Variants in BTBD16 observed in about 807,000 individuals in gnomAD.
BTBD16 encodes the protein BTB domain containing 16, also known as BTB/POZ domain-containing protein 16.
BTBD16 carries 66 observed loss-of-function variants against 67.4 expected under a neutral mutation model. The observed-to-expected ratio is 0.98, with a 90% CI of 0.80 to 1.20. The LOEUF (loss-of-function observed/expected upper bound fraction) is 1.20. Among genes scored for constraint, BTBD16 ranks in the 50% most tolerant of loss-of-function variants. The probability of loss-of-function intolerance (pLI) is 0.00; values close to 1 mark genes in which losing one functional copy is unlikely to be tolerated. For synonymous variants in BTBD16, 242 were observed against 236.4 expected, an observed-to-expected ratio of 1.02 and a Z score of -0.22; for missense variants, 634 against 616.0, an observed-to-expected ratio of 1.03 and a Z score of -0.31.
chr10:122,297,108 C>G (rs1464489126), intron 7 of BTBD16, among the ~76,000 whole-genome samples: 2 of 152,218 alleles, frequency 1.3e-5, no homozygotes, highest in African/African-American at 4.8e-5. Context: ...TCCCATCACA[C>G]CTTGTTCTTT....
chr10:122,287,351 A>G, intron 5 of BTBD16: 1 of 838,556 alleles, frequency 1.2e-6, no homozygotes, highest in African/African-American at 1.8e-5. Flanking sequence ...GAGAATTTGG[A>G]AGTGGAAATG....
chr10:122,312,036 C>G (rs1214388714), intron 10 of BTBD16, among the ~76,000 whole-genome samples: 1 of 152,216 alleles, frequency 6.6e-6, no homozygotes, highest in African/African-American at 2.4e-5. Context: ...TGTTGGTGGA[C>G]ATGTTCAGCC....
intron 7 of BTBD16, chr10:122,295,471 G>T (rs2096381451): frequency 2.0e-6 from 2 of 985,308 alleles, no homozygotes; most frequent in Admixed American, 1.2e-4. Flanking sequence ...AGGAAGCCTG[G>T]GCTTGGGAGG....
Position 122,338,052 on chromosome 10 carries a change from T to C in BTBD16, c.1488T>C (p.Tyr496=). The C allele has an allele frequency of 6.2e-7, 1 of 1,611,978 alleles. No individual in the cohort carries two copies. The highest frequency in any genetic ancestry group is 1.1e-5 in the South Asian group (1 of 90,990). ...LKIQTVGIPI[Y]VSFAFIFPAS ...TCCAAACTGTGGGCATCCCAATCTA[T>C]GTAAGTTTTGCATTCATCTTCCCAG... Residue 496 remains tyrosine, a synonymous_variant, in exon 16 of 16, where the codon TAT becomes TAC. Transcript: ENST00000260723.
chr10:122,337,876 C>A (rs1055281081), intron 15 of BTBD16, 141 bp from the exon 16 acceptor site: 2 of 640,612 alleles, frequency 3.1e-6, no homozygotes, highest in Non-Finnish European at 5.5e-6. Context: ...TTTCAAATAA[C>A]CTCTGCAGGT....
intron 5 of BTBD16, among the ~76,000 whole-genome samples, chr10:122,288,575 G>GTGAGCCTGAGA (rs2096368014): frequency 6.6e-6 from 1 of 151,950 alleles, no homozygotes; most frequent in Non-Finnish European, 1.5e-5. Flanking sequence ...ACCAGTGTGT[G>GTGAGCCTGAGA]TGAGCCTGGG....
At chr10:122,284,002 C>CT (rs1246912531) in intron 4 of BTBD16, 78 bp downstream of exon 4, 20 of 1,085,806 alleles carry the variant, frequency 1.8e-5, no homozygotes, top group Middle Eastern at 2.0e-4. Flanking sequence ...TGGAAGGAGA[C>CT]CAGTCCATAA....
At chr10:122,314,836 T>C (rs1307149991) in intron 10 of BTBD16, among the ~76,000 whole-genome samples, 1 of 152,228 alleles carries the variant, frequency 6.6e-6, no homozygotes, top group African/African-American at 2.4e-5. Context: ...ATCTTGTGTC[T>C]TTCACTTATT....
At chr10:122,327,741 G>A (rs115562546) in intron 10 of BTBD16, among the ~76,000 whole-genome samples, 1 of 152,358 alleles carries the variant, frequency 6.6e-6, no homozygotes, top group African/African-American at 2.4e-5. Flanking sequence ...TGTCCAGAGA[G>A]GCCCTGGCTG....
At chr10:122,333,270 G>A (rs2096458029) in intron 13 of BTBD16, among the ~76,000 whole-genome samples, 1 of 152,146 alleles carries the variant, frequency 6.6e-6, no homozygotes, top group African/African-American at 2.4e-5. Context: ...AGATCACAGA[G>A]CCAGGACTTC....
chr10:122,335,928 G>C (rs896256551), intron 14 of BTBD16, among the ~76,000 whole-genome samples: 2 of 152,100 alleles, frequency 1.3e-5, no homozygotes, highest in East Asian at 1.9e-4. Flanking sequence ...CAGTGCAGTG[G>C]CACAATCTTG....
chr10:122,301,979 G>A (rs897266910), intron 9 of BTBD16, among the ~76,000 whole-genome samples: 4 of 152,218 alleles, frequency 2.6e-5, no homozygotes, highest in Non-Finnish European at 4.4e-5. Flanking sequence ...GTGGTCCCAA[G>A]GAGTCACGTG....
intron 5 of BTBD16, 138 bp downstream of exon 5, chr10:122,286,386 C>A: frequency 8.0e-7 from 1 of 1,248,524 alleles, no homozygotes; most frequent in Non-Finnish European, 1.1e-6. Flanking sequence ...TTATCTCATC[C>A]CATGACAGCC....
intron 3 of BTBD16, among the ~76,000 whole-genome samples, chr10:122,281,979 G>A (rs1274734033): frequency 2.0e-5 from 3 of 152,216 alleles, no homozygotes; most frequent in African/African-American, 4.8e-5. Flanking sequence ...ACAACTCACA[G>A]ATGCCATGTG....
intron 10 of BTBD16, among the ~76,000 whole-genome samples, chr10:122,314,644 CA>C (rs1167917375): frequency 6.6e-6 from 1 of 152,092 alleles, no homozygotes; most frequent in Non-Finnish European, 1.5e-5. Flanking sequence ...ATCATTTAAA[CA>C]TTTTTATATT....
chr10:122,326,280 A>G (rs1302237276), intron 10 of BTBD16, among the ~76,000 whole-genome samples: 1 of 152,160 alleles, frequency 6.6e-6, no homozygotes, highest in Non-Finnish European at 1.5e-5. Flanking sequence ...ATTGTTGTGC[A>G]GCCATCTCCA....
Position 122,334,929 on chromosome 10 carries a change from A to C in BTBD16, c.1213A>C (p.Lys405Gln), listed in dbSNP as rs202226362. 1.3e-6 allele frequency: 2 copies of C among 1,577,058 alleles called. No homozygotes were observed. Among genetic ancestry groups the C allele is most frequent in the East Asian group, 4.5e-5 (2 of 44,510 alleles). Residue 405 changes from lysine (K) to glutamine (Q), a missense_variant, in exon 14 of 16, where the codon AAG becomes CAG. Lys to Gln is a moderately conservative substitution (Grantham distance 53). Coordinates refer to ENST00000260723, the MANE Select transcript of BTBD16 (RefSeq NM_144587.5). ...GATTGCTCTATATGGATTCTTCTTT[A>C]AGATAAAGGGACTCAAACATGATAC... ...KTIALYGFFF[K>Q]IKGLKHDTTS...
intron 5 of BTBD16, chr10:122,287,403 C>G (rs1392327764): frequency 1.0e-6 from 1 of 984,566 alleles, no homozygotes; most frequent in African/African-American, 1.7e-5. Context: ...TAGAATGGGT[C>G]CCTAAAATGA....
intron 10 of BTBD16, chr10:122,328,740 C>T: frequency 1.0e-6 from 1 of 985,220 alleles, no homozygotes; most frequent in East Asian, 1.1e-4. Context: ...GAAAAGTGAC[C>T]ATTTTTGTGA....
Sources: gnomAD v4.1 joint callset for allele counts (sites outside exome capture counted in the v4.1 genomes callset) on GRCh38, gnomAD v4.1.1 for gene constraint, MANE v1.5 for transcripts, NCBI Gene and HGNC (gene_info 2026-07-23, HGNC 2026-07-21) for gene names.